PTPRD: variants seen among roughly 807,000 people sequenced by gnomAD.
PTPRD encodes protein tyrosine phosphatase receptor type D, also known as receptor-type tyrosine-protein phosphatase delta.
Under a neutral mutation model 214.5 loss-of-function variants are expected in PTPRD, and 34 were observed. That is an observed-to-expected ratio of 0.16 (90% CI 0.12 to 0.21). PTPRD has a LOEUF of 0.21. Ranked by LOEUF, PTPRD falls within the 10% of genes least tolerant of loss-of-function variation. PTPRD has a pLI of 1.00. For missense variants in PTPRD, 2,545 were observed against 2,398.7 expected (o/e 1.06, Z -1.27); for synonymous variants, 1,128 against 845.7 (o/e 1.33, Z -5.79).
chr9:9,627,222 G>C (rs778450587), intron 7 of PTPRD, among the ~76,000 whole-genome samples: 7 of 152,152 alleles, frequency 4.6e-5, no homozygotes, highest in African/African-American at 1.7e-4. Flanking sequence ...CAGGAGAATC[G>C]CTTGAATCTG....
At position 10,399,277 on chromosome 9, in the gene PTPRD, T is replaced by C. The variant is rs117242794; in HGVS notation, c.-599-58260A>G. Among the ~76,000 whole-genome samples the C allele has an allele frequency of 4.9e-4, 74 of 152,110 alleles. No individual in the cohort carries two copies. In the East Asian group the frequency reaches 0.011, roughly 23 times the overall value. ...TCAGAGAATGGGAAAAGCTTAGATA[T>C]ACTTTTTTGATTTCAAATGTTTCCA... On this transcript the variant is annotated intron_variant, in intron 2 of 45. Coordinates refer to ENST00000381196, the MANE Select transcript of PTPRD (RefSeq NM_002839.4).
intron 33 of PTPRD, among the ~76,000 whole-genome samples, chr9:8,456,421 T>C (rs988451149): frequency 6.6e-6 from 1 of 151,996 alleles, no homozygotes; most frequent in African/African-American, 2.4e-5. Flanking sequence ...AAAGGATGAG[T>C]TGGAGTTATC....
At chr9:9,003,073 G>T (rs1257890882) in intron 11 of PTPRD, among the ~76,000 whole-genome samples, 1 of 151,990 alleles carries the variant, frequency 6.6e-6, no homozygotes, top group Non-Finnish European at 1.5e-5. Flanking sequence ...CACACCACTG[G>T]ATCATCGCCC....
intron 33 of PTPRD, chr9:8,454,721 A>T: frequency 1.0e-6 from 1 of 965,190 alleles, no homozygotes; most frequent in Non-Finnish European, 1.6e-6. Flanking sequence ...CATAACTGAC[A>T]TACATTCAGA....
chr9:9,758,517 C>G (rs952636361), intron 6 of PTPRD, among the ~76,000 whole-genome samples: 1 of 152,078 alleles, frequency 6.6e-6, no homozygotes, highest in Non-Finnish European at 1.5e-5. Flanking sequence ...GTGAGAGAGG[C>G]AGCGTGTGAG....
At chr9:9,060,168 C>G (rs971665848) in intron 10 of PTPRD, among the ~76,000 whole-genome samples, 4 of 152,090 alleles carry the variant, frequency 2.6e-5, no homozygotes, top group African/African-American at 9.7e-5. Context: ...TAATTTAAAG[C>G]TACATTAACT....
intron 8 of PTPRD, among the ~76,000 whole-genome samples, chr9:9,465,072 C>G (rs1303772136): frequency 6.6e-6 from 1 of 152,204 alleles, no homozygotes; most frequent in Non-Finnish European, 1.5e-5. Context: ...CTACAGAGAT[C>G]TCCTGCCCCA....
intron 11 of PTPRD, chr9:8,936,024 A>T (rs1209795661): frequency 6.6e-6 from 1 of 152,110 alleles, no homozygotes; most frequent in Non-Finnish European, 1.5e-5. Flanking sequence ...TTTTTCCATC[A>T]ACCTCCAAAG....
intron 14 of PTPRD, among the ~76,000 whole-genome samples, chr9:8,620,618 AG>A (rs1475553257): frequency 6.6e-6 from 1 of 151,900 alleles, no homozygotes; most frequent in Admixed American, 6.6e-5. Flanking sequence ...GGCGGGGGGC[AG>A]GGGGTGGCAG....
intron 14 of PTPRD, among the ~76,000 whole-genome samples, chr9:8,631,754 G>A (rs1198923647): frequency 1.3e-5 from 2 of 151,614 alleles, no homozygotes; most frequent in Non-Finnish European, 3.0e-5. Context: ...TTATTATCTT[G>A]GGTTATTACA....
chr9:8,398,653 A>C (rs1323343503), intron 36 of PTPRD, among the ~76,000 whole-genome samples: 1 of 152,192 alleles, frequency 6.6e-6, no homozygotes, highest in Admixed American at 6.5e-5. Flanking sequence ...CCTTATAAAA[A>C]AGCTTGAAAG....
intron 8 of PTPRD, among the ~76,000 whole-genome samples, chr9:9,410,103 T>C (rs942664674): frequency 6.6e-6 from 1 of 152,108 alleles, no homozygotes; most frequent in Admixed American, 6.6e-5. Flanking sequence ...TTATACAAAT[T>C]CAATAAATGC....
At chr9:8,434,617 C>T (rs1188817825) in intron 35 of PTPRD, among the ~76,000 whole-genome samples, 4 of 152,016 alleles carry the variant, frequency 2.6e-5, no homozygotes, top group Admixed American at 6.6e-5. Context: ...ATTTGTAACC[C>T]ATTACATAAC....
chr9:10,118,891 TAAATA>T (rs893706501), intron 3 of PTPRD, among the ~76,000 whole-genome samples: 5 of 148,312 alleles, frequency 3.4e-5, no homozygotes, highest in Non-Finnish European at 6.0e-5. Flanking sequence ...AATAAATAAA[TAAATA>T]AATAATAATA....
At chr9:8,923,094 C>T (rs868529580) in intron 11 of PTPRD, among the ~76,000 whole-genome samples, 11 of 149,940 alleles carry the variant, frequency 7.3e-5, no homozygotes, top group South Asian at 4.3e-4. Flanking sequence ...CAGGCTGGAG[C>T]GCAATGGTGT....
At chr9:10,301,189 G>C (rs1164724819) in intron 3 of PTPRD, among the ~76,000 whole-genome samples, 1 of 152,080 alleles carries the variant, frequency 6.6e-6, no homozygotes, top group African/African-American at 2.4e-5. Context: ...ACTGTTAGGA[G>C]GAAAACTAAC....
intron 9 of PTPRD, among the ~76,000 whole-genome samples, chr9:9,356,976 C>T (rs568470799): frequency 2.8e-4 from 42 of 151,300 alleles, no homozygotes; most frequent in African/African-American, 8.5e-4. Flanking sequence ...GTCAAGCAAC[C>T]GGGTATAAAG....
At chr9:8,693,589 G>T (rs1015860840) in intron 12 of PTPRD, among the ~76,000 whole-genome samples, 1 of 152,188 alleles carries the variant, frequency 6.6e-6, no homozygotes, top group African/African-American at 2.4e-5. Flanking sequence ...TACGAGGGGT[G>T]TACATCAATC....
At chr9:9,831,228 C>T (rs1599045089) in intron 5 of PTPRD, among the ~76,000 whole-genome samples, 1 of 151,898 alleles carries the variant, frequency 6.6e-6, no homozygotes, top group Admixed American at 6.6e-5. Flanking sequence ...ACGACACACA[C>T]TTCTAAATTC....
Sources: gnomAD v4.1 joint callset for allele counts (sites outside exome capture counted in the v4.1 genomes callset) on GRCh38, gnomAD v4.1.1 for gene constraint, MANE v1.5 for transcripts, NCBI Gene and HGNC (gene_info 2026-07-23, HGNC 2026-07-21) for gene names.